EDEM3: variants seen among roughly 807,000 people sequenced by gnomAD.
The protein encoded by EDEM3 is ER degradation-enhancing alpha-mannosidase-like protein 3.
A neutral mutation model predicts 110.2 loss-of-function variants in EDEM3; 60 were observed. The ratio of observed to expected loss-of-function variants is 0.54; its 90% CI spans 0.44 to 0.67. The LOEUF is 0.67. EDEM3 is among the 30% of genes least tolerant of loss of function. The pLI, the probability that EDEM3 is intolerant of heterozygous loss-of-function variation, is 0.00. For missense variants in EDEM3, 996 were observed against 1,121.0 expected (o/e 0.89, Z 1.59); for synonymous variants, 352 against 382.9 (o/e 0.92, Z 0.94).
intron 6 of EDEM3, among the ~76,000 whole-genome samples, chr1:184,732,083 G>A (rs1014420102): frequency 6.6e-6 from 1 of 152,118 alleles, no homozygotes; most frequent in Non-Finnish European, 1.5e-5. Flanking sequence ...GGCTGAGGCA[G>A]GAGAATGGCG....
intron 1 of EDEM3, among the ~76,000 whole-genome samples, chr1:184,750,435 A>C (rs185521378): frequency 6.6e-5 from 10 of 152,322 alleles, no homozygotes; most frequent in Non-Finnish European, 1.5e-4. Context: ...CTACAGGAAA[A>C]AGTACAAGTT....
chr1:184,736,332 G>C (rs1039567800), intron 4 of EDEM3, among the ~76,000 whole-genome samples: 1 of 151,888 alleles, frequency 6.6e-6, no homozygotes, highest in Non-Finnish European at 1.5e-5. Flanking sequence ...ATACCCCAAA[G>C]GTTTTTTGTT....
At chr1:184,701,423 C>G in intron 19 of EDEM3, 1 of 850,918 alleles carries the variant, frequency 1.2e-6, no homozygotes, top group Non-Finnish European at 1.5e-6. Flanking sequence ...TATATATGTA[C>G]TTGAGTGTGT....
chr1:184,702,438 C>G (rs1314980600), intron 19 of EDEM3, among the ~76,000 whole-genome samples: 1 of 152,092 alleles, frequency 6.6e-6, no homozygotes, highest in Non-Finnish European at 1.5e-5. Context: ...CTATATATGT[C>G]TTCTCATTCC....
At chr1:184,721,436 A>T (rs570369782) in intron 8 of EDEM3, 50 bp from the exon 9 acceptor site, 1 of 1,451,814 alleles carries the variant, frequency 6.9e-7, no homozygotes, top group Non-Finnish European at 9.4e-7. Context: ...AAAACCGTTA[A>T]ATTTTTTTAA....
chr1:184,710,822 T>C (rs968320957), intron 15 of EDEM3, among the ~76,000 whole-genome samples: 51 of 152,194 alleles, frequency 3.4e-4, no homozygotes, highest in African/African-American at 1.2e-3. Context: ...AGAACAAGTT[T>C]GCTTGGGGAT....
chr1:184,699,751 A>G (rs1649516358), intron 19 of EDEM3, among the ~76,000 whole-genome samples: 1 of 151,850 alleles, frequency 6.6e-6, no homozygotes, highest in African/African-American at 2.4e-5. Flanking sequence ...TTTACCAGAT[A>G]GAGACAAATA....
At chr1:184,732,668 A>T in intron 6 of EDEM3, 169 bp downstream of exon 6, 1 of 656,348 alleles carries the variant, frequency 1.5e-6, no homozygotes, top group Non-Finnish European at 2.4e-6. Context: ...CACATCACTT[A>T]GAAGTATAAT....
chr1:184,705,091 T>C (rs917685219), intron 18 of EDEM3, among the ~76,000 whole-genome samples: 1 of 151,732 alleles, frequency 6.6e-6, no homozygotes, highest in African/African-American at 2.4e-5. Context: ...AAACAAAAAT[T>C]GACAATTATT....
chr1:184,698,781 A>C (rs1649459018), intron 19 of EDEM3, among the ~76,000 whole-genome samples: 1 of 151,586 alleles, frequency 6.6e-6, no homozygotes, highest in African/African-American at 2.4e-5. Context: ...GCAGAGAGAG[A>C]GACAGAGACA....
intron 1 of EDEM3, among the ~76,000 whole-genome samples, chr1:184,751,375 T>C (rs1250564932): frequency 6.6e-6 from 1 of 152,112 alleles, no homozygotes; most frequent in Admixed American, 6.5e-5. Flanking sequence ...GCAATGGTAG[T>C]GCCTAGACAT....
intron 19 of EDEM3, among the ~76,000 whole-genome samples, chr1:184,696,845 C>A (rs1246416956): frequency 6.6e-6 from 1 of 151,724 alleles, no homozygotes; most frequent in Non-Finnish European, 1.5e-5. Flanking sequence ...GTTGTTTTAC[C>A]TGGTAATGAA....
At chr1:184,743,133 G>T (rs564019668) in intron 2 of EDEM3, among the ~76,000 whole-genome samples, 1 of 152,186 alleles carries the variant, frequency 6.6e-6, no homozygotes, top group African/African-American at 2.4e-5. Flanking sequence ...TTTCAAACCA[G>T]GTGTAAAAAT....
chr1:184,720,474 G>A (rs1650825417), intron 9 of EDEM3: 2 of 150,658 alleles, frequency 1.3e-5, no homozygotes, highest in African/African-American at 4.9e-5. Context: ...CCCGTAGGTG[G>A]TACAATCAGA....
intron 13 of EDEM3, among the ~76,000 whole-genome samples, chr1:184,713,136 G>A (rs1165012794): frequency 6.6e-6 from 1 of 152,068 alleles, no homozygotes; most frequent in Non-Finnish European, 1.5e-5. Context: ...TGTCGTGCCA[G>A]GCACCTGTAA....
In EDEM3 at chr1:184,694,025, TTTC is replaced by T; in HGVS notation, c.*35_*37del. On this transcript the variant is annotated 3_prime_UTR_variant, in exon 20 of 20. Coordinates refer to ENST00000318130, the MANE Select transcript of EDEM3 (RefSeq NM_025191.4). ...TCTATTAACCACACACAGTTTACCTTTTCTTTTTAAATACCTACCAACAGATTG... is the reference window on the plus strand; with the variant it reads ...TCTATTAACCACACACAGTTTACCTTTTTTTAAATACCTACCAACAGATTG... 3 of 1,579,232 alleles carry T rather than the reference TTTC, an allele frequency of 1.9e-6. No homozygotes were observed. The highest frequency in any genetic ancestry group is 1.4e-5 in the African/African-American group (1 of 73,594).
At chr1:184,751,132 A>G (rs2102141400) in intron 1 of EDEM3, among the ~76,000 whole-genome samples, 1 of 151,012 alleles carries the variant, frequency 6.6e-6, no homozygotes, top group Non-Finnish European at 1.5e-5. Context: ...CCACTTTGCT[A>G]AAGCACTAAT....
Position 184,733,004 on chromosome 1 carries a change from G to A in EDEM3, c.459-14C>T, listed in dbSNP as rs370097896. On this transcript the variant is annotated splice_polypyrimidine_tract_variant and intron_variant, in intron 5 of 19. Coordinates refer to ENST00000318130, the MANE Select transcript of EDEM3 (RefSeq NM_025191.4). ...CCCAAAAGACCCCTAGGATCACAGA[G>A]ATGAAACATTATCCATATCTTATAG... 1.2e-6 allele frequency: 2 copies of A among 1,611,126 alleles called. No individual in the cohort carries two copies. Among genetic ancestry groups the A allele is most frequent in the African/African-American group, 1.3e-5 (1 of 74,816 alleles).
intron 1 of EDEM3, among the ~76,000 whole-genome samples, chr1:184,751,805 G>A (rs1452633076): frequency 6.6e-6 from 1 of 152,180 alleles, no homozygotes; most frequent in Non-Finnish European, 1.5e-5. Context: ...CCGGGCTGGA[G>A]TGCAATGGCA....
Sources: allele counts gnomAD v4.1 joint callset (sites outside exome capture counted in the v4.1 genomes callset), GRCh38; gene constraint gnomAD v4.1.1; transcripts MANE v1.5; gene names NCBI Gene and HGNC (gene_info 2026-07-23, HGNC 2026-07-21).